The following IGF1R variants were observed in gnomAD, a reference collection of about 807,000 sequenced individuals.
IGF1R encodes insulin-like growth factor 1 receptor.
Under a neutral mutation model 144.6 loss-of-function variants are expected in IGF1R, and 44 were observed. The observed-to-expected ratio is 0.30, with a 90% CI of 0.24 to 0.39. The LOEUF is 0.39. IGF1R is among the 10% of genes least tolerant of loss of function. The pLI is 1.00. For missense variants in IGF1R, 1,355 were observed against 1,833.7 expected (o/e 0.74, Z 4.77); for synonymous variants, 795 against 722.8 (o/e 1.10, Z -1.60).
At chr15:98,676,091 A>G (rs1396049911) in intron 1 of IGF1R, among the ~76,000 whole-genome samples, 2 of 150,930 alleles carry the variant, frequency 1.3e-5, no homozygotes, top group Non-Finnish European at 2.9e-5. Context: ...CACCTTCCCA[A>G]AGTGTTGGGA....
At chr15:98,717,800 A>G (rs546440597) in intron 2 of IGF1R, among the ~76,000 whole-genome samples, 4 of 152,288 alleles carry the variant, frequency 2.6e-5, no homozygotes, top group South Asian at 2.1e-4. Context: ...GGATAACATT[A>G]AAGTGGTTAG....
chr15:98,789,880 C>G (rs2056089595), intron 2 of IGF1R, among the ~76,000 whole-genome samples: 1 of 151,720 alleles, frequency 6.6e-6, no homozygotes, highest in Non-Finnish European at 1.5e-5. Flanking sequence ...GTTGCTGGAG[C>G]TCAGAGAATA....
intron 2 of IGF1R, among the ~76,000 whole-genome samples, chr15:98,847,206 A>T (rs1049746236): frequency 3.3e-5 from 5 of 152,092 alleles, no homozygotes; most frequent in African/African-American, 4.8e-5. Context: ...CGAACTCCTG[A>T]CCTCAAGTGA....
chr15:98,666,305 C>T lies in IGF1R; in HGVS notation c.94+16630C>T, dbSNP rs369220183. Among the ~76,000 whole-genome samples, 6 of 150,362 alleles carry T rather than the reference C, an allele frequency of 4.0e-5. No homozygotes were observed. The South Asian group carries it at 8.4e-4, about 21-fold the overall frequency. On this transcript the variant is annotated intron_variant, in intron 1 of 20. Coordinates refer to ENST00000650285, the MANE Select transcript of IGF1R (RefSeq NM_000875.5). ...ATGGCACAGCCTTTTTTTTTTTTAACAGGAAGATGATATGGTGCTTCCTCA... is the reference window on the plus strand; with the variant it reads ...ATGGCACAGCCTTTTTTTTTTTTAATAGGAAGATGATATGGTGCTTCCTCA...
At chr15:98,735,054 A>G (rs931091039) in intron 2 of IGF1R, among the ~76,000 whole-genome samples, 1 of 152,148 alleles carries the variant, frequency 6.6e-6, no homozygotes, top group Admixed American at 6.5e-5. Context: ...AGTGCTGATT[A>G]GATTGTGGCC....
chr15:98,831,660 C>T (rs2057003842), intron 2 of IGF1R, among the ~76,000 whole-genome samples: 1 of 152,104 alleles, frequency 6.6e-6, no homozygotes, highest in Non-Finnish European at 1.5e-5. Flanking sequence ...AGAAAATGGC[C>T]AGATGGTTGA....
At chr15:98,668,692 A>T (rs1460513840) in intron 1 of IGF1R, among the ~76,000 whole-genome samples, 1 of 152,088 alleles carries the variant, frequency 6.6e-6, no homozygotes, top group Non-Finnish European at 1.5e-5. Context: ...CTTAAATTTC[A>T]CTCTCTGAAA....
Position 98,649,520 on chromosome 15 carries a change from CTTT to C in IGF1R, c.-60_-58del. 3.5e-6 allele frequency: 3 copies of C among 857,964 alleles called. No individual in the cohort carries two copies. Among genetic ancestry groups the C allele is most frequent in the African/African-American group, 2.6e-5 (1 of 38,090 alleles). The allele number at this position is 857,964 out of a possible 1,614,324, so 53.1% of individuals were successfully genotyped here. ...TCCTTTCATTTCCTTTTTTTCTTTT[CTTT>C]TCTTTTTTTTTTTTTTTTTTTTTTT... On this transcript the variant is annotated 5_prime_UTR_variant, in exon 1 of 21. Transcript: ENST00000650285.
chr15:98,711,127 G>A (rs559877179), intron 2 of IGF1R, among the ~76,000 whole-genome samples: 17 of 152,154 alleles, frequency 1.1e-4, no homozygotes, highest in African/African-American at 3.1e-4. Context: ...TCATAGCCCC[G>A]CATGTACCTC....
chr15:98,798,053 C>T (rs898040598), intron 2 of IGF1R, among the ~76,000 whole-genome samples: 1 of 152,174 alleles, frequency 6.6e-6, no homozygotes, highest in Non-Finnish European at 1.5e-5. Context: ...TTATTCGCTC[C>T]ACAAATATTA....
At chr15:98,786,689 T>C (rs2056005443) in intron 2 of IGF1R, among the ~76,000 whole-genome samples, 1 of 152,212 alleles carries the variant, frequency 6.6e-6, no homozygotes, top group Admixed American at 6.5e-5. Flanking sequence ...AAGTCCAGGT[T>C]TGCATGTACA....
chr15:98,940,782 T>G (rs1463262072), intron 18 of IGF1R, among the ~76,000 whole-genome samples: 1 of 152,172 alleles, frequency 6.6e-6, no homozygotes, highest in Non-Finnish European at 1.5e-5. Context: ...TGGAACCATA[T>G]CCCAGAGCCC....
At chr15:98,692,917 T>A (rs1373170712) in intron 1 of IGF1R, among the ~76,000 whole-genome samples, 1 of 151,192 alleles carries the variant, frequency 6.6e-6, no homozygotes, top group Non-Finnish European at 1.5e-5. Flanking sequence ...GTGGGGGAGG[T>A]ATGAGTGGTG....
intron 11 of IGF1R, among the ~76,000 whole-genome samples, chr15:98,923,203 A>G (rs1248590780): frequency 6.6e-6 from 1 of 152,196 alleles, no homozygotes; most frequent in Non-Finnish European, 1.5e-5. Flanking sequence ...TGCTTATCAC[A>G]ACTTTGTTTA....
chr15:98,754,715 G>C (rs553943347), intron 2 of IGF1R, among the ~76,000 whole-genome samples: 1 of 152,168 alleles, frequency 6.6e-6, no homozygotes, highest in Non-Finnish European at 1.5e-5. Context: ...ATAAAAGAAC[G>C]CTAGTAATGA....
At chr15:98,751,223 T>C (rs12898502) in intron 2 of IGF1R, among the ~76,000 whole-genome samples, 104,718 of 152,004 alleles carry the variant, frequency 0.69, 36,402 homozygotes, top group African/African-American at 0.76. Flanking sequence ...TTTTAAGAGC[T>C]GTGTTCTTGC....
rs370196264 is a variant in IGF1R, at chr15:98,957,503, GGA to G, written c.*69_*70del. On this transcript the variant is annotated 3_prime_UTR_variant, in exon 21 of 21. Coordinates refer to ENST00000650285, the MANE Select transcript of IGF1R (RefSeq NM_000875.5). ...TGCGCACGCGCAGCGGGGTGGGGGG[GGA>G]GAGAGAGTTTTAACAATCCATTCAC... 2,262 of 1,604,218 alleles carry G rather than the reference GGA, an allele frequency of 1.4e-3. 11 individuals are homozygous for G. In the African/African-American group the frequency reaches 0.015, roughly 11 times the overall value.
intron 2 of IGF1R, among the ~76,000 whole-genome samples, chr15:98,831,872 A>G (rs890217041): frequency 2.0e-5 from 3 of 152,048 alleles, no homozygotes; most frequent in Admixed American, 1.3e-4. Flanking sequence ...GAGCTGGTGG[A>G]TGGCAGGGTG....
chr15:98,841,637 G>C (rs569249511), intron 2 of IGF1R, among the ~76,000 whole-genome samples: 1 of 152,288 alleles, frequency 6.6e-6, no homozygotes, highest in African/African-American at 2.4e-5. Flanking sequence ...CCTGTGGTTA[G>C]CAAATACTCT....
Sources: gnomAD v4.1 joint callset for allele counts (sites outside exome capture counted in the v4.1 genomes callset) on GRCh38, gnomAD v4.1.1 for gene constraint, MANE v1.5 for transcripts, NCBI Gene and HGNC (gene_info 2026-07-23, HGNC 2026-07-21) for gene names.